Variants in HIGD1A observed in about 807,000 individuals in gnomAD.
The protein encoded by HIGD1A is HIG1 domain family member 1A, mitochondrial.
HIGD1A carries 8 observed loss-of-function variants against 11.3 expected under a neutral mutation model. The observed-to-expected ratio is 0.71, with a 90% confidence interval of 0.42 to 1.28. The LOEUF is 1.28. HIGD1A is among the 50% of genes most tolerant of loss of function. The pLI, the probability that HIGD1A is intolerant of heterozygous loss-of-function variation, is 0.01. For synonymous variants in HIGD1A, 32 were observed against 38.4 expected (o/e 0.83, Z 0.62); for missense variants, 107 against 118.8 (o/e 0.90, Z 0.46).
intron 2 of HIGD1A, among the ~76,000 whole-genome samples, chr3:42,789,513 A>T (rs374593305): frequency 7.3e-5 from 9 of 123,144 alleles, no homozygotes; most frequent in East Asian, 2.5e-4. Flanking sequence ...AAAAAAAAAA[A>T]TTTTAATAAA....
In HIGD1A at chr3:42,784,523, T is replaced by A. The variant is rs1446948144; in HGVS notation, c.*748A>T. 6.6e-6 allele frequency: 1 copy of A among 152,662 alleles called. No homozygotes were observed. The highest frequency in any genetic ancestry group is 6.5e-5 in the Admixed American group (1 of 15,286). 9.5% of individuals were successfully genotyped at this position (152,662 alleles called of 1,614,324 possible). ...TGTTTACAATTCTTATGGAAAAAAT[T>A]AGCAACACACACATTTAAAACGTGT... On this transcript the variant is annotated 3_prime_UTR_variant, in exon 4 of 4. Coordinates refer to ENST00000321331, the MANE Select transcript of HIGD1A (RefSeq NM_014056.4).
chr3:42,793,483 C>A (rs922869017), intron 2 of HIGD1A, among the ~76,000 whole-genome samples: 30 of 152,310 alleles, frequency 2.0e-4, no homozygotes, highest in African/African-American at 7.2e-4. Context: ...GAAGGGGACA[C>A]CTAGAATTTT....
rs138368594 is a variant in HIGD1A at position 42,794,776 on chromosome 3, C to A, written c.-22-501G>T. On this transcript the variant is annotated intron_variant, in intron 1 of 3. Transcript: ENST00000321331. Reference sequence around the variant, plus strand: ...CTGCTGATTTATTTATTCCAATGTGCTTCCTTGCTTCAATTTTCACTTCAG... The same window carrying A: ...CTGCTGATTTATTTATTCCAATGTGATTCCTTGCTTCAATTTTCACTTCAG... 2.0e-5 allele frequency among the ~76,000 whole-genome samples: 3 copies of A among 152,274 alleles called. No individual in the cohort carries two copies. The East Asian group carries it at 5.8e-4, about 29-fold the overall frequency.
In HIGD1A at chr3:42,783,183, C is replaced by A. The variant is rs1361718578; in HGVS notation, c.*2088G>T. 1.3e-5 allele frequency among the ~76,000 whole-genome samples: 2 copies of A among 152,022 alleles called. No homozygotes were observed. The highest frequency in any genetic ancestry group is 4.8e-5 in the African/African-American group (2 of 41,360). Reference sequence around the variant, plus strand: ...ACAACAGAATGTAAATATTATATGTCCTCACAAGGTAGGAATGATACAACA... The same window carrying A: ...ACAACAGAATGTAAATATTATATGTACTCACAAGGTAGGAATGATACAACA... On this transcript the variant is annotated 3_prime_UTR_variant, in exon 4 of 4. Coordinates refer to ENST00000321331, the MANE Select transcript of HIGD1A (RefSeq NM_014056.4).
At chr3:42,786,743 G>C (rs1386039184) in intron 2 of HIGD1A, among the ~76,000 whole-genome samples, 2 of 152,188 alleles carry the variant, frequency 1.3e-5, no homozygotes, top group Non-Finnish European at 2.9e-5. Flanking sequence ...AAAGCATTCA[G>C]GACATGACCT....
rs1379924782 is a variant in HIGD1A, at chr3:42,784,731, T to TTG, written c.*538_*539dup. The stretch of plus-strand genomic sequence containing the variant: ...TAATAAATACTATTATGCAGCTCTA[T>TTG]TGTTTAAGCTTTCTGGATTTGGTTT... On this transcript the variant is annotated 3_prime_UTR_variant, in exon 4 of 4. Transcript: ENST00000321331. 6.5e-6 allele frequency: 1 copy of TTG among 152,804 alleles called. No homozygotes were observed. The highest frequency in any genetic ancestry group is 2.4e-5 in the African/African-American group (1 of 41,460). 9.5% of individuals were successfully genotyped at this position (152,804 alleles called of 1,614,324 possible).
chr3:42,794,446 A>T (rs1272174751), intron 1 of HIGD1A, 171 bp from the exon 2 acceptor site: 1 of 649,984 alleles, frequency 1.5e-6, no homozygotes, highest in Non-Finnish European at 2.4e-6. Context: ...ATGTACAGTC[A>T]CTCTCAAGGG....
chr3:42,786,333 T>C lies in HIGD1A; in HGVS notation c.98-171A>G, dbSNP rs139571275. Among the ~76,000 whole-genome samples, 19 of 152,342 alleles carry C rather than the reference T, an allele frequency of 1.2e-4. No individual in the cohort carries two copies. The East Asian group carries it at 3.5e-3, about 28-fold the overall frequency. ...TTCCCCTATCAAAACCAAAAATCTTTAAGCAAACAACAACAGATCCAGAAA... is the reference window on the plus strand; with the variant it reads ...TTCCCCTATCAAAACCAAAAATCTTCAAGCAAACAACAACAGATCCAGAAA... On this transcript the variant is annotated intron_variant, in intron 2 of 3. Coordinates refer to ENST00000321331, the MANE Select transcript of HIGD1A (RefSeq NM_014056.4).
chr3:42,786,470 G>A (rs116417202), intron 2 of HIGD1A, among the ~76,000 whole-genome samples: 1,560 of 152,270 alleles, frequency 0.01, 24 homozygotes, highest in African/African-American at 0.036. Context: ...ACGAAAGTGT[G>A]CCAAAGGTCT....
chr3:42,784,140 A>T lies in HIGD1A; in HGVS notation c.*1131T>A, dbSNP rs575052359. On this transcript the variant is annotated 3_prime_UTR_variant, in exon 4 of 4. Transcript: ENST00000321331. The stretch of plus-strand genomic sequence containing the variant: ...ACAAAAATTACCCACAAAAGGAAAA[A>T]AAATAAAACATACCATAAAGTAAAA... Among the ~76,000 whole-genome samples, 2 of 152,264 alleles carry T rather than the reference A, an allele frequency of 1.3e-5. No homozygotes were observed. The highest frequency in any genetic ancestry group is 4.8e-5 in the African/African-American group (2 of 41,588).
intron 1 of HIGD1A, among the ~76,000 whole-genome samples, chr3:42,796,472 C>T (rs937130561): frequency 2.0e-5 from 3 of 151,274 alleles, no homozygotes; most frequent in Admixed American, 6.6e-5. Flanking sequence ...ATCATGTAAC[C>T]GCCAAACAGG....
intron 2 of HIGD1A, among the ~76,000 whole-genome samples, chr3:42,792,449 G>A (rs897119637): frequency 5.3e-5 from 8 of 151,946 alleles, no homozygotes; most frequent in African/African-American, 1.9e-4. Flanking sequence ...CGAGGCGGGC[G>A]GATCACAAGA....
intron 1 of HIGD1A, among the ~76,000 whole-genome samples, chr3:42,796,557 C>T (rs1305932950): frequency 6.6e-6 from 1 of 151,960 alleles, no homozygotes; most frequent in African/African-American, 2.4e-5. Context: ...AGCAATTCAC[C>T]CAAAGCCAGC....
At chr3:42,802,293 C>T (rs917678885) in intron 1 of HIGD1A, among the ~76,000 whole-genome samples, 2 of 151,940 alleles carry the variant, frequency 1.3e-5, no homozygotes, top group Non-Finnish European at 2.9e-5. Flanking sequence ...ATGGATAGGG[C>T]ATTTGACCTG....
At chr3:42,787,683 C>A (rs1215459171) in intron 2 of HIGD1A, among the ~76,000 whole-genome samples, 3 of 145,590 alleles carry the variant, frequency 2.1e-5, no homozygotes, top group Non-Finnish European at 3.0e-5. Flanking sequence ...ATAAATGGAG[C>A]AAAAATTGTT....
At chr3:42,804,346 G>A in intron 1 of HIGD1A, 90 bp downstream of exon 1, 1 of 687,194 alleles carries the variant, frequency 1.5e-6, no homozygotes, top group Non-Finnish European at 2.4e-6. Context: ...CACCCCCAAA[G>A]TCCTTTCGGC....
chr3:42,802,375 G>A (rs1385284600), intron 1 of HIGD1A, among the ~76,000 whole-genome samples: 3 of 152,132 alleles, frequency 2.0e-5, no homozygotes, highest in Non-Finnish European at 4.4e-5. Flanking sequence ...TGCTTGAAAC[G>A]ACAGATGATA....
At chr3:42,799,830 T>C (rs528321956) in intron 1 of HIGD1A, among the ~76,000 whole-genome samples, 2 of 152,280 alleles carry the variant, frequency 1.3e-5, no homozygotes, top group South Asian at 2.1e-4. Flanking sequence ...TCAATCACAG[T>C]GTAATTAGTT....
chr3:42,789,038 A>ATTTT lies in HIGD1A; in HGVS notation c.98-2880_98-2877dup, dbSNP rs35390450. 2.5e-4 allele frequency among the ~76,000 whole-genome samples: 28 copies of ATTTT among 113,926 alleles called. 1 individual carries two copies. Among genetic ancestry groups the ATTTT allele is most frequent in the Non-Finnish European group, 3.2e-4 (19 of 59,338 alleles). The allele number at this position is 113,926 out of a possible 152,430, so 74.7% of individuals were successfully genotyped here. ...TGATCATTAGGTTTTTACTTTGGGA[A>ATTTT]TTTTTTTTTTTTTTTTTTTTGAGAC... On this transcript the variant is annotated intron_variant, in intron 2 of 3. Transcript: ENST00000321331.
Sources: allele counts gnomAD v4.1 joint callset (sites outside exome capture counted in the v4.1 genomes callset), GRCh38; gene constraint gnomAD v4.1.1; transcripts MANE v1.5; gene names NCBI Gene and HGNC (gene_info 2026-07-23, HGNC 2026-07-21).